The following CACNA2D3 variants were observed in gnomAD, a reference collection of about 807,000 sequenced individuals.
CACNA2D3 encodes voltage-dependent calcium channel subunit alpha-2/delta-3.
CACNA2D3 carries 60 observed loss-of-function variants against 160.6 expected under a neutral mutation model. That is an observed-to-expected ratio of 0.37 (90% CI 0.30 to 0.46). CACNA2D3 has a LOEUF of 0.46. Ranked by LOEUF, CACNA2D3 falls within the 20% of genes least tolerant of loss-of-function variation. The pLI is 1.00. For synonymous variants in CACNA2D3, 558 were observed against 492.9 expected (o/e 1.13, Z -1.75); for missense variants, 1,205 against 1,365.0 (o/e 0.88, Z 1.85).
At chr3:54,329,292 A>G (rs1234754747) in intron 3 of CACNA2D3, among the ~76,000 whole-genome samples, 1 of 152,128 alleles carries the variant, frequency 6.6e-6, no homozygotes, top group Non-Finnish European at 1.5e-5. Flanking sequence ...CGGTGCTTCA[A>G]ACTATAGTTA....
At chr3:54,479,042 AAC>A (rs1166845887) in intron 4 of CACNA2D3, among the ~76,000 whole-genome samples, 2 of 151,816 alleles carry the variant, frequency 1.3e-5, no homozygotes, top group African/African-American at 4.8e-5. Context: ...GTGTTACCAT[AAC>A]ACATGTGTTG....
intron 31 of CACNA2D3, among the ~76,000 whole-genome samples, chr3:54,992,244 C>G (rs1330754487): frequency 6.6e-6 from 1 of 152,196 alleles, no homozygotes; most frequent in Non-Finnish European, 1.5e-5. Flanking sequence ...AGCAGTCTAG[C>G]TACTACGCTC....
chr3:54,794,226 A>G lies in CACNA2D3; in HGVS notation c.1381-22627A>G, dbSNP rs560164934. Among the ~76,000 whole-genome samples the G allele has an allele frequency of 3.3e-5, 5 of 152,272 alleles. No individual in the cohort carries two copies. The South Asian group carries it at 1.0e-3, about 32-fold the overall frequency. ...CTCCACTTCTGACCCAATAATAGCT[A>G]CACCTCTTAGTTGTTTCTTTTGAGT... On this transcript the variant is annotated intron_variant, in intron 13 of 37. Transcript: ENST00000474759.
At chr3:54,159,271 C>A (rs572667451) in intron 2 of CACNA2D3, among the ~76,000 whole-genome samples, 32 of 152,062 alleles carry the variant, frequency 2.1e-4, no homozygotes, top group African/African-American at 7.0e-4. Context: ...TTAACGTGGT[C>A]ATTTTTTTTT....
chr3:54,128,665 T>A (rs1250927238), intron 2 of CACNA2D3, among the ~76,000 whole-genome samples: 1 of 152,106 alleles, frequency 6.6e-6, no homozygotes. Context: ...ACTTCAGGGG[T>A]CCCTCCATCT....
chr3:54,894,346 A>G (rs764780628), intron 25 of CACNA2D3, among the ~76,000 whole-genome samples: 4 of 152,154 alleles, frequency 2.6e-5, no homozygotes, highest in Non-Finnish European at 4.4e-5. Flanking sequence ...ATGGGGATCA[A>G]GTGCTGCAGG....
At chr3:54,681,879 C>T (rs775546677) in intron 11 of CACNA2D3, among the ~76,000 whole-genome samples, 2 of 151,998 alleles carry the variant, frequency 1.3e-5, no homozygotes, top group African/African-American at 2.4e-5. Flanking sequence ...GATGGGGTTT[C>T]GCCAAGTTGG....
chr3:54,759,997 C>A (rs1469389279), intron 12 of CACNA2D3, among the ~76,000 whole-genome samples: 2 of 152,232 alleles, frequency 1.3e-5, no homozygotes, highest in Non-Finnish European at 2.9e-5. Flanking sequence ...AGGTGGATCT[C>A]AGTAAGACCT....
At position 54,615,345 on chromosome 3, in the gene CACNA2D3, G is replaced by A. The variant is rs546682434; in HGVS notation, c.964-12442G>A. The stretch of plus-strand genomic sequence containing the variant: ...AATAAATAAATATGTAGTCAAATCT[G>A]AATCCAATCAAACTGCTCAATCTCA... On this transcript the variant is annotated intron_variant, in intron 9 of 37. Coordinates refer to ENST00000474759, the MANE Select transcript of CACNA2D3 (RefSeq NM_018398.3). Among the ~76,000 whole-genome samples the A allele has an allele frequency of 2.6e-5, 4 of 152,270 alleles. No individual in the cohort carries two copies. The East Asian group carries it at 7.7e-4, about 29-fold the overall frequency.
chr3:55,001,660 G>A (rs1477122241), intron 31 of CACNA2D3, among the ~76,000 whole-genome samples: 1 of 152,150 alleles, frequency 6.6e-6, no homozygotes, highest in Non-Finnish European at 1.5e-5. Context: ...TTGAGCCTTT[G>A]GGAACAGTGC....
At chr3:54,905,047 G>C (rs1437971920) in intron 27 of CACNA2D3, among the ~76,000 whole-genome samples, 2 of 152,144 alleles carry the variant, frequency 1.3e-5, no homozygotes, top group African/African-American at 2.4e-5. Flanking sequence ...ATAAAAAGGA[G>C]TATAGACACC....
At position 54,903,878 on chromosome 3, in the gene CACNA2D3, G is replaced by A. The variant is rs573174970; in HGVS notation, c.2449+4010G>A. On this transcript the variant is annotated intron_variant, in intron 27 of 37. Transcript: ENST00000474759. ...CTTCTTCTGAGAAGTGTCTATTCAT[G>A]TCCTTTGCCCACTTTTTAATGGGGC... Among the ~76,000 whole-genome samples the A allele has an allele frequency of 2.6e-3, 403 of 152,228 alleles. 2 individuals are homozygous for A. Among genetic ancestry groups the A allele is most frequent in the African/African-American group, 9.3e-3 (385 of 41,534 alleles).
intron 2 of CACNA2D3, among the ~76,000 whole-genome samples, chr3:54,164,774 A>T (rs1390874286): frequency 6.6e-6 from 1 of 152,094 alleles, no homozygotes; most frequent in East Asian, 1.9e-4. Flanking sequence ...TGTGTGGCAT[A>T]TACAGTACTG....
intron 4 of CACNA2D3, among the ~76,000 whole-genome samples, chr3:54,462,262 T>G (rs981390169): frequency 1.8e-4 from 27 of 152,314 alleles, no homozygotes; most frequent in East Asian, 7.7e-4. Context: ...TGTTGATTTG[T>G]GGTGGAGTGT....
At chr3:54,718,662 C>G (rs1034348578) in intron 11 of CACNA2D3, among the ~76,000 whole-genome samples, 5 of 151,896 alleles carry the variant, frequency 3.3e-5, no homozygotes, top group African/African-American at 1.2e-4. Flanking sequence ...CTTCTTGGTT[C>G]TTTATATTTC....
intron 27 of CACNA2D3, among the ~76,000 whole-genome samples, chr3:54,913,973 G>GGC (rs1449936229): frequency 5.3e-5 from 8 of 152,128 alleles, no homozygotes; most frequent in African/African-American, 1.9e-4. Context: ...TGCTGATAAT[G>GGC]GTGTTGTAAT....
chr3:54,595,612 C>T (rs1702940276), intron 9 of CACNA2D3, among the ~76,000 whole-genome samples: 3 of 152,152 alleles, frequency 2.0e-5, no homozygotes, highest in Non-Finnish European at 2.9e-5. Flanking sequence ...CAGCAGCACC[C>T]ATGCGTCACC....
At chr3:54,270,232 A>G (rs6445636) in intron 2 of CACNA2D3, among the ~76,000 whole-genome samples, 103,309 of 152,228 alleles carry the variant, frequency 0.68, 35,732 homozygotes, top group East Asian at 0.93. Flanking sequence ...TCTTTTCTCT[A>G]TTTTAACAGA....
chr3:54,962,093 C>G (rs930888111), intron 27 of CACNA2D3, among the ~76,000 whole-genome samples: 1 of 151,986 alleles, frequency 6.6e-6, no homozygotes, highest in African/African-American at 2.4e-5. Flanking sequence ...ATAGATTAAT[C>G]CATTCATGAG....
Sources: gnomAD v4.1 joint callset for allele counts (sites outside exome capture counted in the v4.1 genomes callset) on GRCh38, gnomAD v4.1.1 for gene constraint, MANE v1.5 for transcripts, NCBI Gene and HGNC (gene_info 2026-07-23, HGNC 2026-07-21) for gene names.